The following JCAD variants were observed in gnomAD, a reference collection of about 807,000 sequenced individuals.
JCAD encodes the protein junctional cadherin 5 associated, also known as junctional cadherin 5-associated protein.
In JCAD, 40 loss-of-function variants were observed where a neutral mutation model predicts 98.0. The ratio of observed to expected loss-of-function variants is 0.41; its 90% confidence interval spans 0.32 to 0.53. The LOEUF is 0.53. JCAD is among the 20% of genes least tolerant of loss of function. The pLI, the probability that JCAD is intolerant of heterozygous loss-of-function variation, is 0.31. For missense variants in JCAD, 1,705 were observed against 1,738.1 expected (o/e 0.98, Z 0.34); for synonymous variants, 691 against 682.3 (o/e 1.01, Z -0.20).
chr10:30,103,774 C>T (rs1838513666), intron 1 of JCAD, among the ~76,000 whole-genome samples: 1 of 149,960 alleles, frequency 6.7e-6, no homozygotes, highest in Non-Finnish European at 1.5e-5. Context: ...TGTTGTTGCC[C>T]AAGCTGGAGT....
At chr10:30,055,520 C>T (rs1289062624) in intron 1 of JCAD, among the ~76,000 whole-genome samples, 4 of 152,200 alleles carry the variant, frequency 2.6e-5, no homozygotes, top group African/African-American at 9.6e-5. Context: ...ATTTCCCTTT[C>T]CAGTCTTAAT....
At chr10:30,042,643 A>G (rs1028191565) in intron 2 of JCAD, among the ~76,000 whole-genome samples, 56 of 142,120 alleles carry the variant, frequency 3.9e-4, no homozygotes, top group African/African-American at 1.7e-3. Flanking sequence ...GCAATGGGGG[A>G]CAGAGATGAA....
intron 1 of JCAD, among the ~76,000 whole-genome samples, chr10:30,053,776 T>C (rs1037049937): frequency 6.6e-6 from 1 of 150,434 alleles, no homozygotes; most frequent in Non-Finnish European, 1.5e-5. Flanking sequence ...AAAAAAAAAA[T>C]TCTGGGCCAG....
chr10:30,022,355 G>T (rs1445279009), intron 3 of JCAD, among the ~76,000 whole-genome samples: 2 of 152,128 alleles, frequency 1.3e-5, no homozygotes, highest in Non-Finnish European at 2.9e-5. Context: ...GAGCAATGAA[G>T]CAGTTCTAGC....
chr10:30,098,743 C>T (rs1432485496), intron 1 of JCAD, among the ~76,000 whole-genome samples: 1 of 152,200 alleles, frequency 6.6e-6, no homozygotes, highest in East Asian at 1.9e-4. Context: ...CTTTGAGTGC[C>T]ATTCCAAAGT....
intron 1 of JCAD, among the ~76,000 whole-genome samples, chr10:30,083,715 A>G (rs1014490549): frequency 6.6e-6 from 1 of 152,228 alleles, no homozygotes; most frequent in Non-Finnish European, 1.5e-5. Flanking sequence ...AGTCAGAAAC[A>G]TAGGTGTTTA....
chr10:30,025,899 A>T, intron 3 of JCAD: 1 of 650,730 alleles, frequency 1.5e-6, no homozygotes, highest in Non-Finnish European at 2.6e-6. Context: ...TCAAAAAAAT[A>T]AAATATACTG....
intron 3 of JCAD, among the ~76,000 whole-genome samples, chr10:30,020,876 C>A (rs1176047512): frequency 6.6e-6 from 1 of 152,196 alleles, no homozygotes; most frequent in Non-Finnish European, 1.5e-5. Context: ...CTAGTGGGAG[C>A]ACCTGTTATT....
intron 1 of JCAD, among the ~76,000 whole-genome samples, chr10:30,096,084 C>T (rs1838363141): frequency 6.6e-6 from 1 of 152,234 alleles, no homozygotes; most frequent in South Asian, 2.1e-4. Flanking sequence ...ACAGGATCCA[C>T]ACAGCCATCA....
rs745636825 is a variant in JCAD, at chr10:30,027,589, G to GCTGCTGCTA, written c.2550_2558dup (p.Ser857_Ser859dup). On this transcript the variant is annotated inframe_insertion, in exon 3 of 4. Coordinates refer to ENST00000375377, the MANE Select transcript of JCAD (RefSeq NM_020848.4). ...TCTCCTCACTGCTGCTGCTGCTGCT[G>GCTGCTGCTA]CTGCTGCTACTGCTGCTTTCTTCCT... is the stretch of plus-strand genomic sequence containing the variant. The GCTGCTGCTA allele has an allele frequency of 1.9e-5, 31 of 1,614,208 alleles. No homozygotes were observed. Among genetic ancestry groups the GCTGCTGCTA allele is most frequent in the Non-Finnish European group, 2.1e-5 (25 of 1,180,024 alleles).
intron 3 of JCAD, among the ~76,000 whole-genome samples, chr10:30,022,057 G>A (rs755567808): frequency 1.3e-5 from 2 of 152,168 alleles, no homozygotes; most frequent in East Asian, 1.9e-4. Flanking sequence ...TTCTGTGTAC[G>A]ATCAATGCCT....
intron 1 of JCAD, among the ~76,000 whole-genome samples, chr10:30,110,821 C>T (rs1475184092): frequency 6.6e-6 from 1 of 151,842 alleles, no homozygotes; most frequent in African/African-American, 2.4e-5. Flanking sequence ...CTGATGTATG[C>T]ACCCACTCAG....
intron 1 of JCAD, chr10:30,069,865 G>A (rs1837855339): frequency 6.6e-6 from 1 of 152,136 alleles, no homozygotes; most frequent in South Asian, 2.1e-4. Flanking sequence ...AAAATATCTA[G>A]GCTTTCTTGA....
At position 30,026,375 on chromosome 10, in the gene JCAD, C is replaced by A; in HGVS notation, c.3773G>T (p.Arg1258Leu). 1 of 1,614,202 alleles carries A rather than the reference C, an allele frequency of 6.2e-7. No individual in the cohort carries two copies. The highest frequency in any genetic ancestry group is 1.3e-5 in the African/African-American group (1 of 75,048). Residue 1258 changes from arginine to leucine, a missense_variant, in exon 3 of 4, where the codon CGC becomes CTC. Physicochemically the swap from Arg to Leu is moderately radical, Grantham distance 102. This residue lies in a region of JCAD where 1,278 missense variants were observed against 1,243.1 expected (regional missense o/e 1.03). Transcript: ENST00000375377. ...ASPPRRADPDRLMRMKEVSSV... is the reference protein window; with the variant it reads ...ASPPRRADPDLLMRMKEVSSV... ...GCTCACCTCTTTCATTCTCATCAGG[C>A]GGTCAGGGTCTGCTCTCCTAGGCGG...
rs752446527 is a variant in JCAD, at chr10:30,047,680, T to C, written c.133A>G (p.Asn45Asp). The C allele has an allele frequency of 6.2e-7, 1 of 1,614,224 alleles. No homozygotes were observed. The highest frequency in any genetic ancestry group is 2.2e-5 in the East Asian group (1 of 44,870). Residue 45 changes from asparagine to aspartate, a missense_variant, in exon 2 of 4, where the codon AAC becomes GAC. Physicochemically the swap from Asn to Asp is conservative, Grantham distance 23. Around this residue, in one of 3 missense-constraint regions of JCAD, gnomAD observed 152 missense variants for 148.0 expected, o/e 1.03. Coordinates refer to ENST00000375377, the MANE Select transcript of JCAD (RefSeq NM_020848.4). ...GCCGCAGGGCCATCCTCATGCCCGTTCTGCAGGCCCTGGCCTGCTCGTGTC... is the reference window on the plus strand; with the variant it reads ...GCCGCAGGGCCATCCTCATGCCCGTCCTGCAGGCCCTGGCCTGCTCGTGTC... ...TGTRAGQGLQ[N>D]GHEDGPAALA...
chr10:30,019,548 A>AC (rs1836613712), intron 3 of JCAD, among the ~76,000 whole-genome samples: 1 of 41,660 alleles, frequency 2.4e-5, no homozygotes, highest in African/African-American at 9.2e-5. Context: ...ATGTGGAATC[A>AC]TTTAAAAAAA....
upstream of JCAD, among the ~76,000 whole-genome samples, chr10:30,063,417 T>A (rs1042160522): frequency 6.6e-6 from 1 of 151,938 alleles, no homozygotes; most frequent in Admixed American, 6.6e-5. Context: ...AGAAAAAAAA[T>A]AAAAGCCAAG....
chr10:30,104,276 GA>G (rs1564473716), intron 1 of JCAD, among the ~76,000 whole-genome samples: 1 of 152,144 alleles, frequency 6.6e-6, no homozygotes. Context: ...GCAGGTTTTT[GA>G]GCAGAAGAGT....
rs1369494510 is a variant in JCAD, at chr10:30,027,795, A to G, written c.2353T>C (p.Cys785Arg). Residue 785 changes from cysteine to arginine, a missense_variant, in exon 3 of 4, where the codon TGC becomes CGC. Transcript: ENST00000375377. Reference sequence around the variant, plus strand: ...GCTCCAAGCCCGTGGACATCCACGCAGGGCTGACTTCGGCCTGCTTTTGGC... The same window carrying G: ...GCTCCAAGCCCGTGGACATCCACGCGGGGCTGACTTCGGCCTGCTTTTGGC... ...PTPKAGRSQP[C>R]VDVHGLGAHP... The G allele has an allele frequency of 6.2e-7, 1 of 1,614,238 alleles. No individual in the cohort carries two copies. Among genetic ancestry groups the G allele is most frequent in the East Asian group, 2.2e-5 (1 of 44,884 alleles).
Sources: gnomAD v4.1 joint callset for allele counts (sites outside exome capture counted in the v4.1 genomes callset) on GRCh38, gnomAD v4.1.1 for gene constraint, gnomAD v4.1.1 regional missense constraint, MANE v1.5 for transcripts, NCBI Gene and HGNC (gene_info 2026-07-23, HGNC 2026-07-21) for gene names.